Variants in SLC6A20 observed in about 807,000 individuals in gnomAD.
SLC6A20 encodes the protein solute carrier family 6 member 20.
SLC6A20 carries 73 observed loss-of-function variants against 64.3 expected under a neutral mutation model. The observed-to-expected ratio is 1.14, with a 90% CI of 0.94 to 1.38. SLC6A20 has a LOEUF of 1.38. Among genes scored for constraint, SLC6A20 ranks in the 40% most tolerant of loss-of-function variants. The probability of loss-of-function intolerance (pLI) is 0.00; values close to 1 mark genes in which losing one functional copy is unlikely to be tolerated. For synonymous variants in SLC6A20, 347 were observed against 329.6 expected, an observed-to-expected ratio of 1.05 and a Z score of -0.57; for missense variants, 725 against 772.8, an observed-to-expected ratio of 0.94 and a Z score of 0.73.
chr3:45,764,786 C>T (rs1699747857), intron 8 of SLC6A20, among the ~76,000 whole-genome samples: 1 of 151,548 alleles, frequency 6.6e-6, no homozygotes, highest in Admixed American at 6.6e-5. Context: ...GTGCATACTG[C>T]CTGGGAAGGG....
At chr3:45,777,180 A>G (rs867159180) in intron 3 of SLC6A20, among the ~76,000 whole-genome samples, 2 of 152,128 alleles carry the variant, frequency 1.3e-5, no homozygotes, top group South Asian at 2.1e-4. Flanking sequence ...TCAATCCCAT[A>G]TTTCACAGGA....
At chr3:45,768,183 T>C (rs1402681448) in intron 7 of SLC6A20, among the ~76,000 whole-genome samples, 2 of 152,214 alleles carry the variant, frequency 1.3e-5, no homozygotes, top group South Asian at 4.1e-4. Context: ...TAAAGTCCTT[T>C]TGAATTTTGG....
intron 9 of SLC6A20, 29 bp from the exon 10 acceptor site, chr3:45,760,051 G>A: frequency 6.3e-7 from 1 of 1,595,300 alleles, no homozygotes; most frequent in Non-Finnish European, 8.5e-7. Context: ...GAGAAAGTCT[G>A]GATTAACCAG....
At chr3:45,779,615 C>T (rs544713025) in intron 3 of SLC6A20, among the ~76,000 whole-genome samples, 24 of 152,230 alleles carry the variant, frequency 1.6e-4, no homozygotes, top group East Asian at 7.7e-4. Flanking sequence ...GAGGACAGGC[C>T]GTTGCTGTCT....
At position 45,765,353 on chromosome 3, in the gene SLC6A20, A is replaced by G. The variant is rs1485282561; in HGVS notation, c.1303+184T>C. On this transcript the variant is annotated intron_variant, in intron 8 of 10. Coordinates refer to ENST00000358525, the MANE Select transcript of SLC6A20 (RefSeq NM_020208.4). This position sits in a 1 kb window ranked among gnomAD's most constrained non-coding sequence, Gnocchi z 4.2. ...CCCTGTGATGTGGAGAATGGAACGC[A>G]CAGGGTGAATCACATGGCCCAGGTC... 6.6e-6 allele frequency among the ~76,000 whole-genome samples: 1 copy of G among 152,196 alleles called. No homozygotes were observed. Among genetic ancestry groups the G allele is most frequent in the Non-Finnish European group, 1.5e-5 (1 of 68,014 alleles).
At position 45,762,925 on chromosome 3, in the gene SLC6A20, T is replaced by C. The variant is rs776586578; in HGVS notation, c.1451A>G (p.Tyr484Cys). The C allele has an allele frequency of 1.9e-6, 3 of 1,614,020 alleles. No individual in the cohort carries two copies. Among genetic ancestry groups the C allele is most frequent in the African/African-American group, 2.7e-5 (2 of 74,930 alleles). The change falls in exon 9 of 11, where the codon TAC becomes TGC. Residue 484 changes from tyrosine (Y) to cysteine (C), a missense_variant. Coordinates refer to ENST00000358525, the MANE Select transcript of SLC6A20 (RefSeq NM_020208.4). Reference protein sequence around the residue: ...LVETIAVCYVYGLRRFESDLK... With the variant: ...LVETIAVCYVCGLRRFESDLK... ...TGGGCCTCCTCACCTCCTCAGCCCG[T>C]ACACGTAGCACACGGCAATCGTCTC...
chr3:45,778,583 C>T (rs1269631421), intron 3 of SLC6A20, among the ~76,000 whole-genome samples: 1 of 152,158 alleles, frequency 6.6e-6, no homozygotes, highest in Non-Finnish European at 1.5e-5. Context: ...GGGGGATGAG[C>T]AAATTATTCT....
chr3:45,764,434 G>A lies in SLC6A20; in HGVS notation c.1303+1103C>T, dbSNP rs902930679. Among the ~76,000 whole-genome samples, 7 of 152,352 alleles carry A rather than the reference G, an allele frequency of 4.6e-5. No individual in the cohort carries two copies. The East Asian group carries it at 1.3e-3, about 29-fold the overall frequency. On this transcript the variant is annotated intron_variant, in intron 8 of 10. Coordinates refer to ENST00000358525, the MANE Select transcript of SLC6A20 (RefSeq NM_020208.4). ...CAGGAACAGGAAGGCCAGGCGCAAT[G>A]ACTCATGCCTGTAATCCCAGTATTT...
Position 45,795,234 on chromosome 3 carries a change from ATTT to A in SLC6A20, c.121+1062_121+1064del, listed in dbSNP as rs549534926. On this transcript the variant is annotated intron_variant, in intron 1 of 10. Coordinates refer to ENST00000358525, the MANE Select transcript of SLC6A20 (RefSeq NM_020208.4). ...CTTTTCCCCATTCTTTTCTCTGCAT[ATTT>A]TTAAGTAATTGTTTTAAAATGTCAA... Among the ~76,000 whole-genome samples the A allele has an allele frequency of 2.2e-3, 328 of 152,288 alleles. 1 individual carries two copies. The highest frequency in any genetic ancestry group is 0.014 in the Middle Eastern group (4 of 294).
intron 1 of SLC6A20, among the ~76,000 whole-genome samples, chr3:45,790,092 T>C (rs1051959048): frequency 1.3e-5 from 2 of 152,212 alleles, no homozygotes; most frequent in African/African-American, 4.8e-5. Context: ...CACATCATAA[T>C]CTGTCTCCTT....
chr3:45,775,689 C>G lies in SLC6A20; in HGVS notation c.582+72G>C, dbSNP rs1355264359. On this transcript the variant is annotated intron_variant, in intron 4 of 10. Coordinates refer to ENST00000358525, the MANE Select transcript of SLC6A20 (RefSeq NM_020208.4). ...CCTTGGCATTGCCTAGGGTTGGAGA[C>G]AGAGGCAGCTGCCCCTTGGTGCACC... 3 of 1,453,232 alleles carry G rather than the reference C, an allele frequency of 2.1e-6. No homozygotes were observed. In the African/African-American group the frequency reaches 4.2e-5, roughly 20 times the overall value. 90.0% of individuals were successfully genotyped at this position (1,453,232 alleles called of 1,614,324 possible).
At chr3:45,794,781 G>A (rs77434101) in intron 1 of SLC6A20, among the ~76,000 whole-genome samples, 4,564 of 152,268 alleles carry the variant, frequency 0.03, 212 homozygotes, top group African/African-American at 0.1. Flanking sequence ...AGCACAGAAT[G>A]ATGTGGAAAT....
intron 8 of SLC6A20, among the ~76,000 whole-genome samples, chr3:45,764,708 C>CAAAA (rs71288017): frequency 0.058 from 6,176 of 107,116 alleles, 195 homozygotes; most frequent in Non-Finnish European, 0.09. Context: ...TCTTTAAAAA[C>CAAAA]AAAAAAAAAA....
rs1369072274 is a variant in SLC6A20, at chr3:45,757,857, T to A, written c.*1121A>T. On this transcript the variant is annotated 3_prime_UTR_variant, in exon 11 of 11. Transcript: ENST00000358525. Reference sequence around the variant, plus strand: ...TTGTAAGTGGTATTTGTGGTCTTGATAGAGTTGGCCACGATGTCCAAATGT... The same window carrying A: ...TTGTAAGTGGTATTTGTGGTCTTGAAAGAGTTGGCCACGATGTCCAAATGT... 5.3e-5 allele frequency: 8 copies of A among 151,846 alleles called. No homozygotes were observed. Among genetic ancestry groups the A allele is most frequent in the African/African-American group, 1.9e-4 (8 of 41,260 alleles). The allele number at this position is 151,846 out of a possible 1,614,324, so 9.4% of individuals were successfully genotyped here.
rs1197052567 is a variant in SLC6A20, at chr3:45,796,449, C to T, written c.-30G>A. On this transcript the variant is annotated 5_prime_UTR_variant, in exon 1 of 11. Coordinates refer to ENST00000358525, the MANE Select transcript of SLC6A20 (RefSeq NM_020208.4). ...CCGGCCTCGGCGCGCTCGGCTCCGG[C>T]TCGGGGGTCCGGCACGGCAGTCTCA... The T allele has an allele frequency of 1.2e-6, 2 of 1,600,684 alleles. No individual in the cohort carries two copies. The highest frequency in any genetic ancestry group is 2.2e-5 in the South Asian group (2 of 89,874).
rs139940581 is a variant in SLC6A20 at position 45,770,221 on chromosome 3, C to T, written c.1086G>A (p.Ser362=). The change falls in exon 7 of 11, where the codon TCG becomes TCA. Residue 362 remains serine, a synonymous_variant. Coordinates refer to ENST00000358525, the MANE Select transcript of SLC6A20 (RefSeq NM_020208.4). The part of the protein sequence containing the change: ...FPQIKNCSLE[S]ELDTAVQGTG... ...CTGGGCATCTTACCGTGTCTAGCTCCGATTCCAAGCTGCAGTTTTTGATTT... is the reference window on the plus strand; with the variant it reads ...CTGGGCATCTTACCGTGTCTAGCTCTGATTCCAAGCTGCAGTTTTTGATTT... The T allele has an allele frequency of 2.2e-3, 3,608 of 1,614,162 alleles. 56 individuals are homozygous for T. In the South Asian group the frequency reaches 0.025, roughly 11 times the overall value.
chr3:45,768,105 A>G (rs1374222420), intron 7 of SLC6A20, among the ~76,000 whole-genome samples: 6 of 152,244 alleles, frequency 3.9e-5, no homozygotes, highest in African/African-American at 1.4e-4. Flanking sequence ...GTCATGTCCA[A>G]TGTATGGGGT....
intron 1 of SLC6A20, among the ~76,000 whole-genome samples, chr3:45,785,646 T>TCTCTCTCTCTCTCTCTCTCTCTCTCTCTC (rs58230332): frequency 6.9e-6 from 1 of 144,200 alleles, no homozygotes; most frequent in African/African-American, 2.6e-5. Context: ...TCTCTCTCTC[T>TCTCTCTCTCTCTCTCTCTCTCTCTCTCTC]TCCCCCTATT....
intron 1 of SLC6A20, among the ~76,000 whole-genome samples, chr3:45,786,732 T>C (rs1700175977): frequency 6.6e-6 from 1 of 152,258 alleles, no homozygotes; most frequent in Non-Finnish European, 1.5e-5. Flanking sequence ...AAACGATTAT[T>C]GCCACACTGG....
Sources: gnomAD v4.1 joint callset for allele counts (sites outside exome capture counted in the v4.1 genomes callset) on GRCh38, gnomAD v4.1.1 for gene constraint, Gnocchi (gnomAD v3.1) non-coding constraint, MANE v1.5 for transcripts, NCBI Gene and HGNC (gene_info 2026-07-23, HGNC 2026-07-21) for gene names.